GMDS: variants seen among roughly 807,000 people sequenced by gnomAD.
GMDS encodes GDP-mannose 4,6-dehydratase.
Under a neutral mutation model 49.9 loss-of-function variants are expected in GMDS, and 20 were observed. The observed-to-expected ratio is 0.40, with a 90% CI of 0.28 to 0.58. GMDS has a LOEUF of 0.58. Ranked by LOEUF, GMDS falls within the 20% of genes least tolerant of loss-of-function variation. The pLI is 0.42. For synonymous variants in GMDS, 177 were observed against 178.6 expected (o/e 0.99, Z 0.07); for missense variants, 362 against 481.4 (o/e 0.75, Z 2.32).
chr6:2,144,471 G>A (rs1776454583), intron 1 of GMDS, among the ~76,000 whole-genome samples: 1 of 152,202 alleles, frequency 6.6e-6, no homozygotes, highest in African/African-American at 2.4e-5. Context: ...GTTAGGAGTG[G>A]CTAAGTTGAA....
At chr6:2,043,647 C>A (rs1769820192) in intron 4 of GMDS, among the ~76,000 whole-genome samples, 1 of 152,204 alleles carries the variant, frequency 6.6e-6, no homozygotes, top group African/African-American at 2.4e-5. Context: ...TGAAAGTGCA[C>A]GTGATACTCA....
At chr6:2,011,102 A>G (rs1367205688) in intron 4 of GMDS, among the ~76,000 whole-genome samples, 1 of 152,210 alleles carries the variant, frequency 6.6e-6, no homozygotes, top group Non-Finnish European at 1.5e-5. Flanking sequence ...TGTGACAAAT[A>G]AAAACCAAAA....
chr6:1,652,151 C>G (rs544676029), intron 9 of GMDS, among the ~76,000 whole-genome samples: 6 of 150,268 alleles, frequency 4.0e-5, no homozygotes, highest in Non-Finnish European at 8.8e-5. Flanking sequence ...GCGGGTGGAT[C>G]ATCTGAGGTC....
chr6:1,671,160 C>T lies in GMDS; in HGVS notation c.988-46620G>A, dbSNP rs567698959. Among the ~76,000 whole-genome samples, 6 of 152,290 alleles carry T rather than the reference C, an allele frequency of 3.9e-5. No homozygotes were observed. The South Asian group carries it at 1.2e-3, about 32-fold the overall frequency. On this transcript the variant is annotated intron_variant, in intron 9 of 10. Transcript: ENST00000380815. ...AGAACAATGTAACTGCTCCAAGTGTCAATCAGCGGCACTGAGCTTAGCTTT... is the reference window on the plus strand; with the variant it reads ...AGAACAATGTAACTGCTCCAAGTGTTAATCAGCGGCACTGAGCTTAGCTTT...
chr6:1,763,236 T>G (rs1768226316), intron 7 of GMDS, among the ~76,000 whole-genome samples: 1 of 152,182 alleles, frequency 6.6e-6, no homozygotes, highest in Non-Finnish European at 1.5e-5. Context: ...TCCCACTAGG[T>G]CAGCCCCATT....
chr6:1,816,195 C>T (rs910704238), intron 7 of GMDS, among the ~76,000 whole-genome samples: 3 of 152,150 alleles, frequency 2.0e-5, no homozygotes, highest in Non-Finnish European at 2.9e-5. Flanking sequence ...TCTATTCACT[C>T]GGTATTTATG....
At chr6:1,878,478 C>T (rs973787560) in intron 7 of GMDS, among the ~76,000 whole-genome samples, 2 of 152,132 alleles carry the variant, frequency 1.3e-5, no homozygotes, top group Non-Finnish European at 1.5e-5. Context: ...CTTGGCTCTA[C>T]GGATGTGCCC....
chr6:1,864,566 C>T (rs1758350539), intron 7 of GMDS, among the ~76,000 whole-genome samples: 2 of 152,200 alleles, frequency 1.3e-5, no homozygotes, highest in Admixed American at 1.3e-4. Context: ...CCATGATCCC[C>T]ATTTCTGGTC....
intron 7 of GMDS, among the ~76,000 whole-genome samples, chr6:1,883,173 A>G (rs1461110089): frequency 6.6e-6 from 1 of 152,110 alleles, no homozygotes; most frequent in African/African-American, 2.4e-5. Context: ...CAGAAGAATC[A>G]CGAGGTCAAG....
chr6:1,980,224 C>G (rs751083716), intron 4 of GMDS, among the ~76,000 whole-genome samples: 1 of 152,008 alleles, frequency 6.6e-6, no homozygotes, highest in South Asian at 2.1e-4. Flanking sequence ...GGGCTAAATG[C>G]TCCAATTAAA....
intron 7 of GMDS, among the ~76,000 whole-genome samples, chr6:1,874,761 C>T (rs189121480): frequency 3.3e-4 from 51 of 152,298 alleles, no homozygotes; most frequent in African/African-American, 1.2e-3. Flanking sequence ...GATGGACTTC[C>T]CTTTGGCAGC....
intron 9 of GMDS, among the ~76,000 whole-genome samples, chr6:1,722,858 A>G (rs902340111): frequency 6.6e-6 from 1 of 152,264 alleles, no homozygotes; most frequent in Non-Finnish European, 1.5e-5. Flanking sequence ...TAAGTGGCAC[A>G]GAACTCAAGT....
At chr6:1,967,765 T>C (rs1042935565) in intron 4 of GMDS, among the ~76,000 whole-genome samples, 2 of 152,300 alleles carry the variant, frequency 1.3e-5, no homozygotes, top group East Asian at 3.9e-4. Context: ...TTTAAAGTCA[T>C]AGGAAGCAGG....
intron 4 of GMDS, among the ~76,000 whole-genome samples, chr6:2,049,471 A>G (rs531987311): frequency 5.3e-5 from 8 of 152,350 alleles, no homozygotes; most frequent in African/African-American, 1.9e-4. Context: ...GCACTGCAGT[A>G]CTAAGCAGAA....
intron 1 of GMDS, among the ~76,000 whole-genome samples, chr6:2,182,602 T>C (rs1217782871): frequency 6.6e-6 from 1 of 152,220 alleles, no homozygotes; most frequent in African/African-American, 2.4e-5. Flanking sequence ...AAATCTATTA[T>C]GTTTCTGTGC....
intron 7 of GMDS, among the ~76,000 whole-genome samples, chr6:1,765,812 C>T (rs893669548): frequency 7.2e-5 from 11 of 152,032 alleles, no homozygotes; most frequent in South Asian, 2.1e-4. Context: ...GGTTAGGGCT[C>T]GGAGCCCTTT....
chr6:2,068,531 C>G (rs1771768030), intron 4 of GMDS, among the ~76,000 whole-genome samples: 1 of 152,048 alleles, frequency 6.6e-6, no homozygotes, highest in South Asian at 2.1e-4. Context: ...TGTCTCAGCC[C>G]AAAATCTCCT....
chr6:1,645,144 C>A lies in GMDS; in HGVS notation c.988-20604G>T, dbSNP rs575688526. On this transcript the variant is annotated intron_variant, in intron 9 of 10. Coordinates refer to ENST00000380815, the MANE Select transcript of GMDS (RefSeq NM_001500.4). ...AGAGACGGCGTTTCACCATGCTGGTCAGGCTGGTCTCGAACTCCTGACCTC... is the reference window on the plus strand; with the variant it reads ...AGAGACGGCGTTTCACCATGCTGGTAAGGCTGGTCTCGAACTCCTGACCTC... Among the ~76,000 whole-genome samples the A allele has an allele frequency of 1.2e-4, 18 of 152,146 alleles. 1 individual carries two copies. The East Asian group carries it at 3.5e-3, about 30-fold the overall frequency.
At position 2,195,290 on chromosome 6, in the gene GMDS, C is replaced by T. The variant is rs570597326; in HGVS notation, c.102+50031G>A. 5.9e-5 allele frequency among the ~76,000 whole-genome samples: 9 copies of T among 151,576 alleles called. No homozygotes were observed. The South Asian group carries it at 1.2e-3, about 21-fold the overall frequency. ...AGACCTAGACAAATAGGAAATTAGA[C>T]GTTACATTTTTGAAGAAGTGTTTTA... On this transcript the variant is annotated intron_variant, in intron 1 of 10. Coordinates refer to ENST00000380815, the MANE Select transcript of GMDS (RefSeq NM_001500.4).
Sources: gnomAD v4.1 joint callset for allele counts (sites outside exome capture counted in the v4.1 genomes callset) on GRCh38, gnomAD v4.1.1 for gene constraint, MANE v1.5 for transcripts, NCBI Gene and HGNC (gene_info 2026-07-23, HGNC 2026-07-21) for gene names.